FRAS1: variants seen among roughly 807,000 people sequenced by gnomAD.
The protein encoded by FRAS1 is extracellular matrix organizing protein FRAS1.
A neutral mutation model predicts 435.2 loss-of-function variants in FRAS1; 290 were observed. The observed-to-expected ratio is 0.67, with a 90% CI of 0.61 to 0.73. The LOEUF (loss-of-function observed/expected upper bound fraction) is 0.73. Ranked by LOEUF, FRAS1 falls within the 30% of genes least tolerant of loss-of-function variation. The probability of loss-of-function intolerance (pLI) is 0.00; values close to 1 mark genes in which losing one functional copy is unlikely to be tolerated. For synonymous variants in FRAS1, 1,800 were observed against 1,851.0 expected, an observed-to-expected ratio of 0.97 and a Z score of 0.71; for missense variants, 4,860 against 5,001.5, an observed-to-expected ratio of 0.97 and a Z score of 0.85.
intron 51 of FRAS1, 38 bp downstream of exon 51, chr4:78,470,129 C>T: frequency 1.5e-6 from 2 of 1,352,888 alleles, no homozygotes; most frequent in Non-Finnish European, 2.1e-6. Context: ...CACCACCCAA[C>T]TTGGGCTACA....
At chr4:78,146,485 T>A (rs1720426551) in intron 2 of FRAS1, among the ~76,000 whole-genome samples, 1 of 152,116 alleles carries the variant, frequency 6.6e-6, no homozygotes, top group South Asian at 2.1e-4. Flanking sequence ...CCAAGATTAC[T>A]TTTTAGAGCT....
chr4:78,463,623 T>G (rs1271882416), intron 47 of FRAS1, among the ~76,000 whole-genome samples: 2 of 152,202 alleles, frequency 1.3e-5, no homozygotes, highest in East Asian at 3.8e-4. Flanking sequence ...TATGCAATAT[T>G]TAAAATGAGG....
At position 78,543,733 on chromosome 4, in the gene FRAS1, T is replaced by C. The variant is rs972834207; in HGVS notation, c.*2609T>C. On this transcript the variant is annotated 3_prime_UTR_variant, in exon 74 of 74. Coordinates refer to ENST00000512123, the MANE Select transcript of FRAS1 (RefSeq NM_025074.7). The stretch of plus-strand genomic sequence containing the variant: ...TTCATTTGGTTTGTTTCATACTTCA[T>C]TATAGGAATCAAGTAATTTGATGAC... 2.0e-5 allele frequency: 3 copies of C among 152,250 alleles called. No homozygotes were observed. The highest frequency in any genetic ancestry group is 7.2e-5 in the African/African-American group (3 of 41,466). The allele number at this position is 152,250 out of a possible 1,614,324, so 9.4% of individuals were successfully genotyped here. A position where few individuals can be genotyped will look rare whatever the true frequency, so the allele number is the denominator to read the frequency against.
chr4:78,449,224 C>T (rs1037889719), intron 44 of FRAS1, among the ~76,000 whole-genome samples: 1 of 152,172 alleles, frequency 6.6e-6, no homozygotes. Flanking sequence ...CCATCCCAGT[C>T]CCATAGGGGT....
rs763870499 is a variant in FRAS1 at position 78,452,284 on chromosome 4, G to T, written c.6693G>T (p.Gly2231=). The T allele has an allele frequency of 7.4e-6, 12 of 1,613,278 alleles. No individual in the cohort carries two copies. In the South Asian group the frequency reaches 1.1e-4, roughly 15 times the overall value. ...LQLSATDQDS[G]PTELIYRITR... is the part of the protein sequence containing the mutation. Reference sequence around the variant, plus strand: ...TGTCTGCCACTGACCAGGACAGTGGGCCTACAGAATTGATCTACAGAATCA... The same window carrying T: ...TGTCTGCCACTGACCAGGACAGTGGTCCTACAGAATTGATCTACAGAATCA... Residue 2231 remains glycine, a synonymous_variant, in exon 47 of 74, where the codon GGG becomes GGT. Coordinates refer to ENST00000512123, the MANE Select transcript of FRAS1 (RefSeq NM_025074.7).
intron 2 of FRAS1, among the ~76,000 whole-genome samples, chr4:78,169,295 T>G (rs933734370): frequency 1.3e-5 from 2 of 152,090 alleles, no homozygotes; most frequent in Non-Finnish European, 2.9e-5. Flanking sequence ...TGGCAAATTG[T>G]TTTACCTCTG....
intron 30 of FRAS1, among the ~76,000 whole-genome samples, chr4:78,401,486 G>A (rs1479632582): frequency 6.6e-6 from 1 of 152,206 alleles, no homozygotes; most frequent in African/African-American, 2.4e-5. Flanking sequence ...GACACTGAAG[G>A]CCAGTTATTG....
intron 9 of FRAS1, among the ~76,000 whole-genome samples, chr4:78,276,564 G>A (rs1727050311): frequency 6.6e-6 from 1 of 152,208 alleles, no homozygotes; most frequent in South Asian, 2.1e-4. Flanking sequence ...GTCTGTTGGA[G>A]TTTGCTGGAC....
chr4:78,438,720 T>G lies in FRAS1; in HGVS notation c.5366+2T>G. The G allele has an allele frequency of 6.3e-7, 1 of 1,587,604 alleles. No individual in the cohort carries two copies. The highest frequency in any genetic ancestry group is 8.6e-7 in the Non-Finnish European group (1 of 1,166,348). ...AGACATCAATAACAAGAAAATCAGGTACATAATCACTTTGTATTATTTGAC... is the reference window on the plus strand; with the variant it reads ...AGACATCAATAACAAGAAAATCAGGGACATAATCACTTTGTATTATTTGAC... On this transcript the variant is annotated splice_donor_variant, in intron 39 of 73. Coordinates refer to ENST00000512123, the MANE Select transcript of FRAS1 (RefSeq NM_025074.7). LOFTEE classifies it high-confidence loss of function.
At position 78,406,148 on chromosome 4, in the gene FRAS1, A is replaced by G. The variant is rs200451450; in HGVS notation, c.4130-1515A>G. On this transcript the variant is annotated intron_variant, in intron 30 of 73. Transcript: ENST00000512123. ...TGTTCACAAAATAATGATGATTGGT[A>G]ACAGAGCTTCATGACCAGCTTCATG... Among the ~76,000 whole-genome samples the G allele has an allele frequency of 1.4e-3, 209 of 152,342 alleles. 1 individual carries two copies. The highest frequency in any genetic ancestry group is 4.6e-3 in the African/African-American group (190 of 41,586).
At chr4:78,119,359 C>G (rs1337393532) in intron 2 of FRAS1, among the ~76,000 whole-genome samples, 2 of 152,136 alleles carry the variant, frequency 1.3e-5, no homozygotes. Context: ...TTCCCAAGCC[C>G]TAGTATTCTT....
chr4:78,101,699 T>C (rs1407449002), intron 2 of FRAS1, among the ~76,000 whole-genome samples: 2 of 152,188 alleles, frequency 1.3e-5, no homozygotes, highest in African/African-American at 4.8e-5. Context: ...TATTATATTT[T>C]AGAGTGCTTT....
At chr4:78,072,817 C>T (rs1262290598) in intron 2 of FRAS1, among the ~76,000 whole-genome samples, 4 of 151,782 alleles carry the variant, frequency 2.6e-5, no homozygotes, top group Non-Finnish European at 5.9e-5. Flanking sequence ...TTTTTTGCAA[C>T]ACATCCTTAC....
chr4:78,415,092 C>G (rs1255284063), intron 32 of FRAS1, among the ~76,000 whole-genome samples: 1 of 152,200 alleles, frequency 6.6e-6, no homozygotes, highest in African/African-American at 2.4e-5. Flanking sequence ...TCACCCACTT[C>G]CTACTCCTTC....
At chr4:78,128,675 T>C (rs1209658240) in intron 2 of FRAS1, among the ~76,000 whole-genome samples, 2 of 152,230 alleles carry the variant, frequency 1.3e-5, no homozygotes, top group Non-Finnish European at 2.9e-5. Flanking sequence ...GATGAGTAGA[T>C]TGCAAAAATT....
At position 78,522,734 on chromosome 4, in the gene FRAS1, C is replaced by T. The variant is rs772939868; in HGVS notation, c.10734C>T (p.Asp3578=). 2 of 1,612,392 alleles carry T rather than the reference C, an allele frequency of 1.2e-6. No individual in the cohort carries two copies. The highest frequency in any genetic ancestry group is 1.7e-6 in the Non-Finnish European group (2 of 1,179,162). Residue 3578 remains aspartate (D), a synonymous_variant, in exon 69 of 74, where the codon GAC becomes GAT. Coordinates refer to ENST00000512123, the MANE Select transcript of FRAS1 (RefSeq NM_025074.7). The part of the protein sequence containing the change: ...TPDHLGGIEF[D]LQLLWSAQTF... The stretch of plus-strand genomic sequence containing the variant: ...ACCACCTAGGAGGAATTGAATTTGA[C>T]TTGCAGCTATTATGGAGCGCTCAGA...
At chr4:78,280,558 C>T (rs1014060108) in intron 10 of FRAS1, among the ~76,000 whole-genome samples, 1 of 150,464 alleles carries the variant, frequency 6.6e-6, no homozygotes, top group Non-Finnish European at 1.5e-5. Flanking sequence ...AGGAGTTTGA[C>T]TGGTAAACTG....
chr4:78,421,971 T>C lies in FRAS1; in HGVS notation c.4649T>C (p.Leu1550Pro). Residue 1550 changes from leucine to proline, a missense_variant, in exon 34 of 74, where the codon CTC becomes CCC. Transcript: ENST00000512123. ...MYRPPPAAPH[L>P]QELMAFSFAG... Reference sequence around the variant, plus strand: ...CGCCCTCCCCCGGCAGCACCCCACCTCCAGGAGCTCATGGCCTTCTCGTTC... The same window carrying C: ...CGCCCTCCCCCGGCAGCACCCCACCCCCAGGAGCTCATGGCCTTCTCGTTC... 6.2e-7 allele frequency: 1 copy of C among 1,613,110 alleles called. No homozygotes were observed. Among genetic ancestry groups the C allele is most frequent in the Non-Finnish European group, 8.5e-7 (1 of 1,179,446 alleles).
chr4:78,124,905 G>A (rs1164018933), intron 2 of FRAS1, among the ~76,000 whole-genome samples: 1 of 152,004 alleles, frequency 6.6e-6, no homozygotes, highest in Non-Finnish European at 1.5e-5. Context: ...CTTGCTAGTG[G>A]TCTATTTATT....
Sources: gnomAD v4.1 joint callset for allele counts (sites outside exome capture counted in the v4.1 genomes callset) on GRCh38, gnomAD v4.1.1 for gene constraint, MANE v1.5 for transcripts, NCBI Gene and HGNC (gene_info 2026-07-23, HGNC 2026-07-21) for gene names.